GATA4: variants seen among roughly 807,000 people sequenced by gnomAD.
GATA4 encodes transcription factor GATA-4.
GATA4 carries 7 observed loss-of-function variants against 37.9 expected under a neutral mutation model. That is an observed-to-expected ratio of 0.18 (90% CI 0.11 to 0.35). The LOEUF (loss-of-function observed/expected upper bound fraction) is 0.35, where lower values mean the gene tolerates loss of function less well. Ranked by LOEUF, GATA4 falls within the 10% of genes least tolerant of loss-of-function variation. The probability of loss-of-function intolerance (pLI) is 1.00; values close to 1 mark genes in which losing one functional copy is unlikely to be tolerated. For missense variants in GATA4, 647 were observed against 653.0 expected (o/e 0.99, Z 0.10); for synonymous variants, 372 against 292.6 (o/e 1.27, Z -2.77).
intron 1 of GATA4, among the ~76,000 whole-genome samples, chr8:11,687,015 C>T (rs1000451910): frequency 2.6e-5 from 4 of 151,138 alleles, no homozygotes; most frequent in East Asian, 1.9e-4. Context: ...AAAAAAAAAT[C>T]CTCAACCACA....
Position 11,758,690 on chromosome 8 carries a change from C to T in GATA4, c.*215C>T. On this transcript the variant is annotated 3_prime_UTR_variant, in exon 7 of 7. Coordinates refer to ENST00000532059, the MANE Select transcript of GATA4 (RefSeq NM_001308093.3). Reference sequence around the variant, plus strand: ...CACGCTGATGGGACTGGAGGGAGCCCACCCTTCAGCACGAGCACACTGCAT... The same window carrying T: ...CACGCTGATGGGACTGGAGGGAGCCTACCCTTCAGCACGAGCACACTGCAT... The T allele has an allele frequency of 1.7e-6, 1 of 601,412 alleles. No homozygotes were observed. 37.3% of individuals were successfully genotyped at this position (601,412 alleles called of 1,614,324 possible). A position where few individuals can be genotyped will look rare whatever the true frequency, so the allele number is the denominator to read the frequency against.
chr8:11,757,152 C>G, intron 6 of GATA4, 69 bp downstream of exon 6: 2 of 1,594,002 alleles, frequency 1.3e-6, no homozygotes, highest in Non-Finnish European at 1.7e-6. Flanking sequence ...AGAGGCCAGC[C>G]TAGTACTGGG....
chr8:11,751,523 C>T (rs189716702), intron 4 of GATA4, among the ~76,000 whole-genome samples: 5 of 152,198 alleles, frequency 3.3e-5, no homozygotes, highest in South Asian at 4.2e-4. Context: ...GTACCTTAGA[C>T]GGGACATATG....
At chr8:11,697,954 GGC>G (rs1799554674) in intron 1 of GATA4, 6 of 985,468 alleles carry the variant, frequency 6.1e-6, no homozygotes, top group Non-Finnish European at 7.2e-6. Context: ...TGGGCCTGGC[GGC>G]GCTCCAGCCG....
In GATA4 at chr8:11,749,019, C is replaced by T. The variant is rs747431380; in HGVS notation, c.720C>T (p.Asn240=). 3.2e-5 allele frequency: 51 copies of T among 1,614,120 alleles called. No individual in the cohort carries two copies. Among genetic ancestry groups the T allele is most frequent in the African/African-American group, 9.3e-5 (7 of 74,938 alleles). ...ATGGGACGGGTCACTATCTGTGCAA[C>T]GCCTGCGGCCTCTACCACAAGATGA... ...RRDGTGHYLC[N]ACGLYHKMNG... The change falls in exon 3 of 7, where the codon AAC becomes AAT. Residue 240 remains asparagine (N), a synonymous_variant. Coordinates refer to ENST00000532059, the MANE Select transcript of GATA4 (RefSeq NM_001308093.3). The surrounding 1 kb of genome is among the most constrained non-coding windows in gnomAD (Gnocchi z 4.6).
intron 2 of GATA4, among the ~76,000 whole-genome samples, chr8:11,747,346 A>G (rs1265004872): frequency 6.6e-6 from 1 of 152,204 alleles, no homozygotes; most frequent in Admixed American, 6.5e-5. Flanking sequence ...TGTCAATTGT[A>G]ACATTCTGTA....
intron 2 of GATA4, among the ~76,000 whole-genome samples, chr8:11,738,534 C>T (rs143521096): frequency 9.7e-4 from 148 of 152,208 alleles, no homozygotes; most frequent in African/African-American, 3.4e-3. Context: ...TTAACCAGTC[C>T]GGTATTGATG....
Position 11,708,542 on chromosome 8 carries a change from G to A in GATA4, c.230G>A (p.Gly77Asp), listed in dbSNP as rs1800005049. ...SGGSSGGAASGAGPGTQQGSP... is the reference protein window; with the variant it reads ...SGGSSGGAASDAGPGTQQGSP... ...GGCAGCTCCGGTGGGGCCGCGTCTG[G>A]TGCGGGGCCCGGGACCCAGCAGGGC... The change falls in exon 2 of 7, where the codon GGT becomes GAT. Residue 77 changes from glycine (G) to aspartate (D), a missense_variant. By Grantham distance (94) the Gly-to-Asp change is moderately conservative. Transcript: ENST00000532059. The surrounding 1 kb of genome is among the most constrained non-coding windows in gnomAD (Gnocchi z 6.7). 1 of 1,433,242 alleles carries A rather than the reference G, an allele frequency of 7.0e-7. No homozygotes were observed. The highest frequency in any genetic ancestry group is 9.1e-7 in the Non-Finnish European group (1 of 1,101,128). The allele number at this position is 1,433,242 out of a possible 1,614,324, so 88.8% of individuals were successfully genotyped here.
At chr8:11,746,172 A>G (rs1203838247) in intron 2 of GATA4, among the ~76,000 whole-genome samples, 1 of 151,894 alleles carries the variant, frequency 6.6e-6, no homozygotes, top group East Asian at 1.9e-4. Context: ...TAAGGAAGCT[A>G]GAGGTTGCAA....
chr8:11,691,175 A>G (rs980159096), upstream of GATA4, among the ~76,000 whole-genome samples: 2 of 152,264 alleles, frequency 1.3e-5, no homozygotes, highest in Admixed American at 1.3e-4. Flanking sequence ...TGCCTAGTAA[A>G]TGGATCCCAG....
chr8:11,739,430 C>G (rs1166678355), intron 2 of GATA4, among the ~76,000 whole-genome samples: 2 of 147,538 alleles, frequency 1.4e-5, no homozygotes, highest in African/African-American at 5.2e-5. Flanking sequence ...AGTTTTATTG[C>G]TAGCAAGAGT....
intron 2 of GATA4, among the ~76,000 whole-genome samples, chr8:11,743,893 A>G (rs1170787568): frequency 6.6e-6 from 1 of 152,204 alleles, no homozygotes. Flanking sequence ...TTTAAAAAAA[A>G]CTTTTTTTAG....
chr8:11,742,396 TCCTTTC>T (rs751688926), intron 2 of GATA4, among the ~76,000 whole-genome samples: 37 of 145,440 alleles, frequency 2.5e-4, no homozygotes, highest in Admixed American at 3.4e-4. Flanking sequence ...TTTTTTTTTT[TCCTTTC>T]CCTTTCCCTT....
chr8:11,737,867 A>G (rs1438314087), intron 2 of GATA4, among the ~76,000 whole-genome samples: 2 of 152,166 alleles, frequency 1.3e-5, no homozygotes, highest in Non-Finnish European at 2.9e-5. Flanking sequence ...TGACATATTT[A>G]TGTATTTTAT....
chr8:11,744,712 T>A (rs1357710711), intron 2 of GATA4, among the ~76,000 whole-genome samples: 1 of 152,188 alleles, frequency 6.6e-6, no homozygotes, highest in Non-Finnish European at 1.5e-5. Context: ...ATGGCAGGAT[T>A]TTGTGGTTGG....
Position 11,717,002 on chromosome 8 carries a change from A to G in GATA4, c.616+8074A>G, listed in dbSNP as rs997088698. Among the ~76,000 whole-genome samples the G allele has an allele frequency of 2.6e-5, 4 of 152,246 alleles. No individual in the cohort carries two copies. In the South Asian group the frequency reaches 6.2e-4, roughly 24 times the overall value. On this transcript the variant is annotated intron_variant, in intron 2 of 6. Transcript: ENST00000532059. ...AGCAACTTTTCTGACATCTGAAACT[A>G]TTTGTCTTTTGGGAACTTATTTGTC...
chr8:11,679,380 G>GTGGAGGGC (rs1798882026), intron 1 of GATA4, among the ~76,000 whole-genome samples: 1 of 152,230 alleles, frequency 6.6e-6, no homozygotes, highest in Admixed American at 6.5e-5. Context: ...ACGACTGTAG[G>GTGGAGGGC]TGGAGGGCGT....
chr8:11,732,401 C>T (rs1801253782), intron 2 of GATA4, among the ~76,000 whole-genome samples: 1 of 152,178 alleles, frequency 6.6e-6, no homozygotes, highest in African/African-American at 2.4e-5. Flanking sequence ...GCCCCTATTG[C>T]AGAGAAGCTC....
chr8:11,688,687 G>C (rs1799218470), upstream of GATA4, among the ~76,000 whole-genome samples: 2 of 152,192 alleles, frequency 1.3e-5, no homozygotes, highest in Non-Finnish European at 2.9e-5. Flanking sequence ...GCCACAACTA[G>C]GAACACATTG....
Sources: allele counts gnomAD v4.1 joint callset (sites outside exome capture counted in the v4.1 genomes callset), GRCh38; gene constraint gnomAD v4.1.1; non-coding constraint Gnocchi (gnomAD v3.1); transcripts MANE v1.5; gene names NCBI Gene and HGNC (gene_info 2026-07-23, HGNC 2026-07-21).